EFCAB6: variants seen among roughly 807,000 people sequenced by gnomAD.
EFCAB6 encodes EF-hand calcium-binding domain-containing protein 6.
A neutral mutation model predicts 169.8 loss-of-function variants in EFCAB6; 156 were observed. That is an observed-to-expected ratio of 0.92 (90% CI 0.81 to 1.05). The LOEUF (loss-of-function observed/expected upper bound fraction) is 1.05. EFCAB6 is among the 50% of genes least tolerant of loss of function. The probability of loss-of-function intolerance (pLI) is 0.00; values close to 1 mark genes in which losing one functional copy is unlikely to be tolerated. For missense variants in EFCAB6, 1,800 were observed against 1,829.1 expected (o/e 0.98, Z 0.29); for synonymous variants, 698 against 676.4 (o/e 1.03, Z -0.50).
chr22:43,534,867 C>G lies in EFCAB6; in HGVS notation c.4054G>C (p.Val1352Leu). Residue 1352 changes from valine to leucine, a missense_variant, in exon 30 of 32, where the codon GTG becomes CTG. By Grantham distance (32) the Val-to-Leu change is conservative (BLOSUM62 1). Transcript: ENST00000262726. ...DINASDFLALVEKFNLDISKE... is the reference protein window; with the variant it reads ...DINASDFLALLEKFNLDISKE... The stretch of plus-strand genomic sequence containing the variant: ...CTTATGTCCAGGTTGAATTTCTCCA[C>G]AAGAGCTACAGAAAAAAATGGCAGT... 6.3e-7 allele frequency: 1 copy of G among 1,597,680 alleles called. No individual in the cohort carries two copies. The highest frequency in any genetic ancestry group is 2.2e-5 in the East Asian group (1 of 44,576).
At chr22:43,784,604 T>TTGTGGC (rs2061979867) in intron 2 of EFCAB6, among the ~76,000 whole-genome samples, 2 of 73,488 alleles carry the variant, frequency 2.7e-5, no homozygotes, top group Non-Finnish European at 5.7e-5. Flanking sequence ...TATATACACA[T>TTGTGGC]ATATATGTGT....
At chr22:43,719,854 G>A (rs2059459244) in intron 8 of EFCAB6, among the ~76,000 whole-genome samples, 2 of 152,306 alleles carry the variant, frequency 1.3e-5, no homozygotes, top group South Asian at 2.1e-4. Flanking sequence ...AATGATAGGA[G>A]TCATGGAAGA....
In EFCAB6 at chr22:43,540,248, CCAGT is replaced by C; in HGVS notation, c.3754_3757del (p.Thr1252ValfsTer30). The C allele has an allele frequency of 6.2e-7, 1 of 1,614,228 alleles. No individual in the cohort carries two copies. The highest frequency in any genetic ancestry group is 8.5e-7 in the Non-Finnish European group (1 of 1,180,042). On this transcript the variant is annotated frameshift_variant, in exon 28 of 32. Transcript: ENST00000262726. LOFTEE classifies it high-confidence loss of function. ...CCCTCTCTGGGCCACGGCCGAGTCACCAGTGGCCATTGGTGTGGCTGCTGTCTCG... is the reference window on the plus strand; with the variant it reads ...CCCTCTCTGGGCCACGGCCGAGTCACGGCCATTGGTGTGGCTGCTGTCTCG...
intron 27 of EFCAB6, 55 bp downstream of exon 27, chr22:43,554,814 C>A: frequency 6.8e-7 from 1 of 1,472,358 alleles, no homozygotes; most frequent in Non-Finnish European, 9.5e-7. Context: ...GGCCAGGGAC[C>A]AGGCTGACGC....
intron 21 of EFCAB6, among the ~76,000 whole-genome samples, chr22:43,610,805 G>T (rs2053247980): frequency 6.6e-6 from 1 of 152,130 alleles, no homozygotes; most frequent in Admixed American, 6.5e-5. Flanking sequence ...AGCAGGTCTG[G>T]CATGTAAGAA....
At chr22:43,600,358 A>T in intron 22 of EFCAB6, 95 bp from the exon 23 acceptor site, 1 of 1,276,156 alleles carries the variant, frequency 7.8e-7, no homozygotes, top group Non-Finnish European at 1.1e-6. Flanking sequence ...ATCCATGAGG[A>T]GCTCGTCTTC....
intron 17 of EFCAB6, among the ~76,000 whole-genome samples, chr22:43,651,215 G>C (rs2056451083): frequency 6.6e-6 from 1 of 152,194 alleles, no homozygotes; most frequent in African/African-American, 2.4e-5. Flanking sequence ...CATAGGCTGG[G>C]CCCAGGGTCC....
intron 4 of EFCAB6, among the ~76,000 whole-genome samples, chr22:43,770,858 T>G (rs1411100632): frequency 2.0e-5 from 3 of 151,724 alleles, no homozygotes; most frequent in African/African-American, 7.3e-5. Flanking sequence ...AGAGAAAACT[T>G]TGAAACAGAA....
intron 8 of EFCAB6, among the ~76,000 whole-genome samples, chr22:43,727,924 C>T (rs540577004): frequency 2.7e-5 from 4 of 150,398 alleles, no homozygotes; most frequent in African/African-American, 9.8e-5. Context: ...ACTTTAAGTT[C>T]TAGGATACAT....
At chr22:43,777,213 GA>G (rs1211340779) in intron 3 of EFCAB6, among the ~76,000 whole-genome samples, 3 of 152,200 alleles carry the variant, frequency 2.0e-5, no homozygotes, top group African/African-American at 7.2e-5. Flanking sequence ...GAACACGGGG[GA>G]GTCGAGAGAC....
At chr22:43,550,375 C>G (rs993393086) in intron 27 of EFCAB6, among the ~76,000 whole-genome samples, 2 of 152,110 alleles carry the variant, frequency 1.3e-5, no homozygotes, top group African/African-American at 4.8e-5. Context: ...AATATCATGT[C>G]TAAAATGTTC....
At chr22:43,617,069 C>T (rs1035646904) in intron 20 of EFCAB6, among the ~76,000 whole-genome samples, 10 of 152,172 alleles carry the variant, frequency 6.6e-5, no homozygotes, top group African/African-American at 1.9e-4. Context: ...TTTTCTGTGC[C>T]ATCTTTCTCC....
chr22:43,636,683 G>A (rs939080602), intron 17 of EFCAB6, among the ~76,000 whole-genome samples: 3 of 148,728 alleles, frequency 2.0e-5, no homozygotes, highest in Non-Finnish European at 4.4e-5. Context: ...CTACCTAGGT[G>A]CACTGTAACC....
chr22:43,604,931 C>A (rs1035376494), intron 22 of EFCAB6, among the ~76,000 whole-genome samples: 1 of 152,156 alleles, frequency 6.6e-6, no homozygotes, highest in Non-Finnish European at 1.5e-5. Flanking sequence ...CTACTCGGGT[C>A]GGCCCTTTGG....
At chr22:43,540,073 T>G in intron 28 of EFCAB6, 54 bp downstream of exon 28, 7 of 1,585,210 alleles carry the variant, frequency 4.4e-6, no homozygotes, top group Non-Finnish European at 5.2e-6. Context: ...CCCAGTGGGA[T>G]TTGTGGATGT....
intron 26 of EFCAB6, among the ~76,000 whole-genome samples, chr22:43,565,294 G>C (rs2049352515): frequency 6.6e-6 from 1 of 152,236 alleles, no homozygotes; most frequent in Non-Finnish European, 1.5e-5. Flanking sequence ...GCCCAGCCTA[G>C]ATCAGCCCCC....
intron 23 of EFCAB6, among the ~76,000 whole-genome samples, chr22:43,596,856 CA>C (rs2052050820): frequency 6.6e-6 from 1 of 152,164 alleles, no homozygotes; most frequent in Non-Finnish European, 1.5e-5. Context: ...AATTACACTA[CA>C]AAGTTATATT....
At chr22:43,668,137 A>T (rs1449450439) in intron 16 of EFCAB6, among the ~76,000 whole-genome samples, 1 of 152,224 alleles carries the variant, frequency 6.6e-6, no homozygotes, top group Non-Finnish European at 1.5e-5. Flanking sequence ...ACTACTGAAA[A>T]GCCCAGGTAT....
chr22:43,667,199 T>C lies in EFCAB6; in HGVS notation c.1888A>G (p.Lys630Glu), dbSNP rs1302404349. The part of the protein sequence containing the change: ...TTEEVIEKFK[K>E]CIQQQDPAFK... Reference sequence around the variant, plus strand: ...GCCGGGTCCTGCTGCTGTATACACTTTTTGAATTTTTCAATCACTTCTTCT... The same window carrying C: ...GCCGGGTCCTGCTGCTGTATACACTCTTTGAATTTTTCAATCACTTCTTCT... Residue 630 changes from lysine (K) to glutamate (E), a missense_variant, in exon 17 of 32, where the codon AAG becomes GAG. Coordinates refer to ENST00000262726, the MANE Select transcript of EFCAB6 (RefSeq NM_022785.4). 1.9e-6 allele frequency: 3 copies of C among 1,614,132 alleles called. No individual in the cohort carries two copies. The highest frequency in any genetic ancestry group is 1.3e-5 in the African/African-American group (1 of 75,042).
Sources: gnomAD v4.1 joint callset for allele counts (sites outside exome capture counted in the v4.1 genomes callset) on GRCh38, gnomAD v4.1.1 for gene constraint, MANE v1.5 for transcripts, NCBI Gene and HGNC (gene_info 2026-07-23, HGNC 2026-07-21) for gene names.